Variants in NAPA observed in about 807,000 individuals in gnomAD.
NAPA encodes the protein NSF attachment protein alpha.
In NAPA, 18 loss-of-function variants were observed where a neutral mutation model predicts 48.0. The ratio of observed to expected loss-of-function variants is 0.38; its 90% CI spans 0.26 to 0.56. The LOEUF is 0.56. Ranked by LOEUF, NAPA falls within the 20% of genes least tolerant of loss-of-function variation. The pLI is 0.77. For synonymous variants in NAPA, 152 were observed against 149.9 expected, an observed-to-expected ratio of 1.01 and a Z score of -0.10; for missense variants, 315 against 385.0, an observed-to-expected ratio of 0.82 and a Z score of 1.52.
chr19:47,486,671 GACAGAA>G (rs1968087160), downstream of NAPA, among the ~76,000 whole-genome samples: 1 of 152,234 alleles, frequency 6.6e-6, no homozygotes, highest in Admixed American at 6.5e-5. Context: ...GGTCATGGAT[GACAGAA>G]ACAGATTCTC....
intron 1 of NAPA, among the ~76,000 whole-genome samples, chr19:47,504,171 A>C (rs1968644907): frequency 6.6e-6 from 1 of 152,064 alleles, no homozygotes; most frequent in Non-Finnish European, 1.5e-5. Context: ...AGGTTGGCGG[A>C]TTGCTTGAGC....
intron 7 of NAPA, 32 bp from the exon 8 acceptor site, chr19:47,492,151 T>A (rs774531202): frequency 6.3e-6 from 10 of 1,590,964 alleles, no homozygotes; most frequent in Non-Finnish European, 8.6e-6. Context: ...ACTGGTGAGC[T>A]CAGGGCAAGC....
At chr19:47,492,930 G>T in intron 7 of NAPA, 31 bp downstream of exon 7, 1 of 1,609,780 alleles carries the variant, frequency 6.2e-7, no homozygotes, top group South Asian at 1.1e-5. Context: ...GAGGGGGCAG[G>T]GTGGAAGCCG....
chr19:47,495,665 A>G, intron 3 of NAPA, 69 bp from the exon 4 acceptor site: 4 of 1,451,692 alleles, frequency 2.8e-6, no homozygotes, highest in Non-Finnish European at 3.9e-6. Context: ...TGAGGAGAGG[A>G]GGCGGACGCA....
chr19:47,497,665 C>G (rs988329729), intron 3 of NAPA, among the ~76,000 whole-genome samples: 4 of 152,254 alleles, frequency 2.6e-5, no homozygotes, highest in Non-Finnish European at 5.9e-5. Context: ...TGGCCCAGGC[C>G]ACCGCCCATC....
chr19:47,506,882 G>A lies in NAPA; in HGVS notation c.99-3380C>T, dbSNP rs924193622. On this transcript the variant is annotated intron_variant, in intron 1 of 10. Transcript: ENST00000263354. The surrounding 1 kb of genome is among the most constrained non-coding windows in gnomAD (Gnocchi z 4.0). ...TCCAGGGTCCCATCCTCTTCTTTTA[G>A]AAATGGGAGTGAAGTCCCCAAAGGG... 1 of 152,252 alleles carries A rather than the reference G, an allele frequency of 6.6e-6. No homozygotes were observed. Among genetic ancestry groups the A allele is most frequent in the Non-Finnish European group, 1.5e-5 (1 of 68,060 alleles). The allele number at this position is 152,252 out of a possible 1,614,324, so 9.4% of individuals were successfully genotyped here.
downstream of NAPA, among the ~76,000 whole-genome samples, chr19:47,487,110 T>C (rs1242269007): frequency 1.3e-5 from 2 of 152,120 alleles, no homozygotes; most frequent in Admixed American, 1.3e-4. Context: ...CCACCTTTCC[T>C]GGGCAAAGGC....
chr19:47,488,460 T>G, intron 10 of NAPA, 71 bp from the exon 11 acceptor site: 1 of 1,267,704 alleles, frequency 7.9e-7, no homozygotes, highest in South Asian at 1.3e-5. Flanking sequence ...AGGGCACTTG[T>G]CCCAAGGTTT....
intron 1 of NAPA, among the ~76,000 whole-genome samples, chr19:47,510,078 C>A (rs919440056): frequency 6.6e-6 from 1 of 152,208 alleles, no homozygotes; most frequent in African/African-American, 2.4e-5. Flanking sequence ...TGAGACTGGG[C>A]AAGAGATGCC....
rs1968109934 is a variant in NAPA at position 47,487,690 on chromosome 19, AC to A, written c.*597del. 1 of 152,386 alleles carries A rather than the reference AC, an allele frequency of 6.6e-6. No homozygotes were observed. Among genetic ancestry groups the A allele is most frequent in the African/African-American group, 2.4e-5 (1 of 41,426 alleles). The allele number at this position is 152,386 out of a possible 1,614,324, so 9.4% of individuals were successfully genotyped here. On this transcript the variant is annotated 3_prime_UTR_variant, in exon 11 of 11. Transcript: ENST00000263354. ...TTTCTTGGGCCAGCTGCAGCTTCCA[AC>A]CAAGAAAACCTCAAAGCATTAGGGA...
chr19:47,512,544 T>C (rs754649160), intron 1 of NAPA, among the ~76,000 whole-genome samples: 14 of 152,104 alleles, frequency 9.2e-5, no homozygotes, highest in Non-Finnish European at 1.6e-4. Context: ...CACTAATCCC[T>C]GGGCCAAAGG....
At chr19:47,499,273 C>T (rs1351888695) in intron 3 of NAPA, among the ~76,000 whole-genome samples, 1 of 152,254 alleles carries the variant, frequency 6.6e-6, no homozygotes, top group Non-Finnish European at 1.5e-5. Context: ...CAGCCTGGCG[C>T]TCAGTGTTGC....
intron 1 of NAPA, among the ~76,000 whole-genome samples, chr19:47,513,880 C>T (rs1471011880): frequency 2.0e-4 from 27 of 134,448 alleles, no homozygotes; most frequent in Non-Finnish European, 3.9e-4. Context: ...GACAGAGTCT[C>T]GCTCTGTCCC....
At position 47,500,629 on chromosome 19, in the gene NAPA, T is replaced by C. The variant is rs940856403; in HGVS notation, c.295+4A>G. 25 of 1,604,364 alleles carry C rather than the reference T, an allele frequency of 1.6e-5. No homozygotes were observed. The highest frequency in any genetic ancestry group is 2.0e-5 in the Non-Finnish European group (24 of 1,175,332). On this transcript the variant is annotated splice_donor_region_variant and intron_variant, in intron 3 of 10. Coordinates refer to ENST00000263354, the MANE Select transcript of NAPA (RefSeq NM_003827.4). ...CAGCCCGTGTGGCCCGCAGAGGCCC[T>C]CACCTTGGGGGTCGGCTTTCTTGAA...
chr19:47,513,449 A>T (rs1230409993), intron 1 of NAPA, among the ~76,000 whole-genome samples: 1 of 152,226 alleles, frequency 6.6e-6, no homozygotes, highest in Non-Finnish European at 1.5e-5. Flanking sequence ...GGTAGGTTTG[A>T]TTTGTGATCT....
At chr19:47,510,997 G>A (rs1968794753) in intron 1 of NAPA, among the ~76,000 whole-genome samples, 1 of 152,212 alleles carries the variant, frequency 6.6e-6, no homozygotes, top group Non-Finnish European at 1.5e-5. Context: ...TGAAGAGCAA[G>A]GGTGGCATCT....
chr19:47,513,854 T>TA (rs1968852765), intron 1 of NAPA, among the ~76,000 whole-genome samples: 1 of 141,630 alleles, frequency 7.1e-6, no homozygotes, highest in African/African-American at 2.6e-5. Context: ...TTCTTTTTTT[T>TA]TTTTTTTTTT....
At chr19:47,508,695 G>A (rs1203133210) in intron 1 of NAPA, among the ~76,000 whole-genome samples, 1 of 151,898 alleles carries the variant, frequency 6.6e-6, no homozygotes, top group Non-Finnish European at 1.5e-5. Context: ...AAGAGATGGG[G>A]TCTCCCTGTG....
intron 1 of NAPA, among the ~76,000 whole-genome samples, chr19:47,511,853 C>T (rs755495465): frequency 2.6e-5 from 4 of 152,158 alleles, no homozygotes; most frequent in Non-Finnish European, 5.9e-5. Flanking sequence ...CTAGTATTAC[C>T]GGCACTGCAA....
Sources: gnomAD v4.1 joint callset for allele counts (sites outside exome capture counted in the v4.1 genomes callset) on GRCh38, gnomAD v4.1.1 for gene constraint, Gnocchi (gnomAD v3.1) non-coding constraint, MANE v1.5 for transcripts, NCBI Gene and HGNC (gene_info 2026-07-23, HGNC 2026-07-21) for gene names.